The following TTC39A variants were observed in gnomAD, a reference collection of about 807,000 sequenced individuals.
The protein encoded by TTC39A is tetratricopeptide repeat domain 39A, also known as tetratricopeptide repeat protein 39A.
In TTC39A, 46 loss-of-function variants were observed where a neutral mutation model predicts 82.3. The ratio of observed to expected loss-of-function variants is 0.56; its 90% CI spans 0.44 to 0.71. The LOEUF is 0.71. Among genes scored for constraint, TTC39A ranks in the 30% least tolerant of loss-of-function variants. TTC39A has a pLI of 0.00. For synonymous variants in TTC39A, 254 were observed against 275.2 expected (o/e 0.92, Z 0.76); for missense variants, 543 against 712.9 (o/e 0.76, Z 2.71).
At position 51,321,871 on chromosome 1, in the gene TTC39A, C is replaced by T. The variant is rs1010115566; in HGVS notation, c.42-46G>A. 13 of 1,553,218 alleles carry T rather than the reference C, an allele frequency of 8.4e-6. No individual in the cohort carries two copies. Among genetic ancestry groups the T allele is most frequent in the South Asian group, 6.9e-5 (6 of 86,476 alleles). On this transcript the variant is annotated intron_variant, in intron 1 of 17. Transcript: ENST00000680483. The surrounding 1 kb of genome is among the most constrained non-coding windows in gnomAD (Gnocchi z 4.6). ...CATGACACAGGGGCCCTCCAACCCTCCAGCCTCTCCTGGCTGGAACAGAGC... is the reference window on the plus strand; with the variant it reads ...CATGACACAGGGGCCCTCCAACCCTTCAGCCTCTCCTGGCTGGAACAGAGC...
chr1:51,332,758 CTTA>C, upstream of TTC39A, among the ~76,000 whole-genome samples: 1 of 152,254 alleles, frequency 6.6e-6, no homozygotes, highest in South Asian at 2.1e-4. Context: ...TAAAAAAATG[CTTA>C]TTGGGAGCAC....
chr1:51,330,503 C>T lies in TTC39A; in HGVS notation c.-26G>A. 1.0e-6 allele frequency: 1 copy of T among 983,770 alleles called. No homozygotes were observed. The highest frequency in any genetic ancestry group is 1.2e-6 in the Non-Finnish European group (1 of 830,218). The allele number at this position is 983,770 out of a possible 1,614,324, so 60.9% of individuals were successfully genotyped here. A position where few individuals can be genotyped will look rare whatever the true frequency, so the allele number is the denominator to read the frequency against. ...CGCCGAGGGGCGCGGGCGGCGCTGCCCCAGCCGGACGCCAATCGCGGCCCA... is the reference window on the plus strand; with the variant it reads ...CGCCGAGGGGCGCGGGCGGCGCTGCTCCAGCCGGACGCCAATCGCGGCCCA... On this transcript the variant is annotated 5_prime_UTR_variant, in exon 1 of 18. Transcript: ENST00000680483. This position sits in a 1 kb window ranked among gnomAD's most constrained non-coding sequence, Gnocchi z 4.5.
At chr1:51,339,363 G>A (rs72694115) in intron 1 of TTC39A, among the ~76,000 whole-genome samples, 2,909 of 152,248 alleles carry the variant, frequency 0.019, 27 homozygotes, top group Middle Eastern at 0.031. Context: ...ACTTGAAAGT[G>A]GTAGATTTCC....
At chr1:51,320,875 T>G (rs1476126405) in intron 2 of TTC39A, among the ~76,000 whole-genome samples, 7 of 149,000 alleles carry the variant, frequency 4.7e-5, no homozygotes, top group South Asian at 2.1e-4. Context: ...TTTCTGGTTT[T>G]TTTTTTTTTT....
chr1:51,293,567 C>T (rs887479170), intron 14 of TTC39A, among the ~76,000 whole-genome samples: 6 of 152,084 alleles, frequency 3.9e-5, no homozygotes, highest in African/African-American at 7.2e-5. Flanking sequence ...AAGAGGGAAC[C>T]GACCTAAAGC....
In TTC39A at chr1:51,294,249, C is replaced by A; in HGVS notation, c.1266+142G>T. ...TAAGGGGCAGGGGCTGGGCCAGACT[C>A]CCAGGTGAATTGTGAAACCCTCCCC... On this transcript the variant is annotated intron_variant, in intron 14 of 17. Transcript: ENST00000680483. This position sits in a 1 kb window ranked among gnomAD's most constrained non-coding sequence, Gnocchi z 4.3. The A allele has an allele frequency of 7.3e-7, 1 of 1,366,588 alleles. No homozygotes were observed. Among genetic ancestry groups the A allele is most frequent in the Non-Finnish European group, 9.8e-7 (1 of 1,015,818 alleles). The allele number at this position is 1,366,588 out of a possible 1,614,324, so 84.7% of individuals were successfully genotyped here.
At chr1:51,337,608 G>A (rs1414646652) in intron 1 of TTC39A, among the ~76,000 whole-genome samples, 6 of 151,766 alleles carry the variant, frequency 4.0e-5, no homozygotes, top group African/African-American at 9.7e-5. Flanking sequence ...TGTATTTTTA[G>A]TAGAGACTGG....
rs369871888 is a variant in TTC39A at position 51,301,604 on chromosome 1, C to T, written c.1021G>A (p.Asp341Asn). 47 of 1,612,198 alleles carry T rather than the reference C, an allele frequency of 2.9e-5. No individual in the cohort carries two copies. The highest frequency in any genetic ancestry group is 1.5e-4 in the African/African-American group (11 of 74,898). Reference protein sequence around the residue: ...GQWKMSYFYADLLSKENCWSK... With the variant: ...GQWKMSYFYANLLSKENCWSK... ...CAGCAGTTCTCCTTGCTGAGCAGGT[C>T]GGCGTAGAAGTAGGACATCTTCCAC... Residue 341 changes from aspartate (D) to asparagine (N), a missense_variant, in exon 12 of 18, where the codon GAC becomes AAC. Coordinates refer to ENST00000680483, the MANE Select transcript of TTC39A (RefSeq NM_001297663.2).
At chr1:51,306,528 C>T (rs924493928) in intron 6 of TTC39A, among the ~76,000 whole-genome samples, 1 of 152,122 alleles carries the variant, frequency 6.6e-6, no homozygotes, top group Non-Finnish European at 1.5e-5. Context: ...CAGACACTGC[C>T]AAAAGTCTCA....
At chr1:51,322,028 A>G in intron 1 of TTC39A, 1 of 1,488,704 alleles carries the variant, frequency 6.7e-7, no homozygotes, top group South Asian at 1.3e-5. Flanking sequence ...TGGGAGGGGG[A>G]GCAGAAGGGA....
intron 1 of TTC39A, among the ~76,000 whole-genome samples, chr1:51,342,544 C>T (rs1195520212): frequency 6.6e-6 from 1 of 152,146 alleles, no homozygotes; most frequent in African/African-American, 2.4e-5. Context: ...CATCCCCATC[C>T]CCCCTGCCAA....
At chr1:51,319,378 G>A (rs139825998) in intron 2 of TTC39A, among the ~76,000 whole-genome samples, 1 of 152,292 alleles carries the variant, frequency 6.6e-6, no homozygotes, top group Non-Finnish European at 1.5e-5. Flanking sequence ...GACCTAGGAG[G>A]TCCAAAAGGT....
In TTC39A at chr1:51,312,152, C is replaced by T. The variant is rs759810564; in HGVS notation, c.322G>A (p.Val108Met). The T allele has an allele frequency of 9.3e-6, 15 of 1,611,616 alleles. No homozygotes were observed. The highest frequency in any genetic ancestry group is 1.3e-5 in the Non-Finnish European group (15 of 1,179,054). ...AATTGGCCCAGCGTGGGGCGGTTCA[C>T]CAGGCTGCTGAAGGAATCTGTTACA... ...SSVTDSFSSL[V>M]NRPTLGQFTE... The change falls in exon 4 of 18, where the codon GTG becomes ATG. Residue 108 changes from valine (V) to methionine (M), a missense_variant. By Grantham distance (21) the Val-to-Met change is conservative (BLOSUM62 1). Coordinates refer to ENST00000680483, the MANE Select transcript of TTC39A (RefSeq NM_001297663.2).
At chr1:51,341,703 CA>C (rs1455795168) in intron 1 of TTC39A, among the ~76,000 whole-genome samples, 1 of 151,868 alleles carries the variant, frequency 6.6e-6, no homozygotes, top group Non-Finnish European at 1.5e-5. Flanking sequence ...TTAAAAGCTT[CA>C]ACACACACAC....
At chr1:51,322,362 G>T (rs1202045175) in intron 1 of TTC39A, 1 of 1,242,170 alleles carries the variant, frequency 8.1e-7, no homozygotes, top group Non-Finnish European at 1.0e-6. Context: ...TTTGCCAATG[G>T]CTCCTCCAGA....
chr1:51,295,849 GA>G lies in TTC39A; in HGVS notation c.1145+229del, dbSNP rs1644395797. The G allele has an allele frequency of 5.1e-6, 3 of 592,062 alleles. No homozygotes were observed. In the East Asian group the frequency reaches 8.4e-5, roughly 17 times the overall value. The allele number at this position is 592,062 out of a possible 1,614,324, so 36.7% of individuals were successfully genotyped here. A position where few individuals can be genotyped will look rare whatever the true frequency, so the allele number is the denominator to read the frequency against. ...ACGATATTAGCAAAACCATTTCTGT[GA>G]AAGAAAGCCTCTGAAGAAAGTCAAA... On this transcript the variant is annotated intron_variant, in intron 13 of 17. Coordinates refer to ENST00000680483, the MANE Select transcript of TTC39A (RefSeq NM_001297663.2).
At chr1:51,329,310 C>T (rs1402503429) in intron 1 of TTC39A, among the ~76,000 whole-genome samples, 1 of 152,186 alleles carries the variant, frequency 6.6e-6, no homozygotes, top group Non-Finnish European at 1.5e-5. Context: ...CAACCTCCAG[C>T]TTTACAAATA....
At chr1:51,340,331 G>T (rs1295459925) in intron 1 of TTC39A, among the ~76,000 whole-genome samples, 2 of 152,184 alleles carry the variant, frequency 1.3e-5, no homozygotes, top group Non-Finnish European at 2.9e-5. Flanking sequence ...AGTGGTGGGT[G>T]GCACAGGCCC....
chr1:51,343,322 G>C (rs1418453421), intron 1 of TTC39A, among the ~76,000 whole-genome samples: 1 of 152,212 alleles, frequency 6.6e-6, no homozygotes, highest in Non-Finnish European at 1.5e-5. Flanking sequence ...AGCGTGGTCA[G>C]CTTTAAATAA....
Sources: gnomAD v4.1 joint callset for allele counts (sites outside exome capture counted in the v4.1 genomes callset) on GRCh38, gnomAD v4.1.1 for gene constraint, Gnocchi (gnomAD v3.1) non-coding constraint, MANE v1.5 for transcripts, NCBI Gene and HGNC (gene_info 2026-07-23, HGNC 2026-07-21) for gene names.